SMOC2: variants seen among roughly 807,000 people sequenced by gnomAD.
The protein encoded by SMOC2 is SPARC-related modular calcium-binding protein 2.
Under a neutral mutation model 61.4 loss-of-function variants are expected in SMOC2, and 39 were observed. The observed-to-expected ratio is 0.64, with a 90% confidence interval of 0.49 to 0.83. The LOEUF (loss-of-function observed/expected upper bound fraction) is 0.83. SMOC2 is among the 40% of genes least tolerant of loss of function. The probability of loss-of-function intolerance (pLI) is 0.00; values close to 1 mark genes in which losing one functional copy is unlikely to be tolerated. For missense variants in SMOC2, 556 were observed against 592.9 expected (o/e 0.94, Z 0.65); for synonymous variants, 247 against 239.9 (o/e 1.03, Z -0.27).
intron 9 of SMOC2, among the ~76,000 whole-genome samples, chr6:168,642,511 T>C (rs1302437305): frequency 6.6e-6 from 1 of 152,054 alleles, no homozygotes; most frequent in Non-Finnish European, 1.5e-5. Context: ...TAACCATCAC[T>C]GGCCAGGACT....
intron 1 of SMOC2, among the ~76,000 whole-genome samples, chr6:168,466,080 G>C (rs1191692633): frequency 2.2e-4 from 26 of 119,960 alleles, no homozygotes; most frequent in South Asian, 6.2e-4. Flanking sequence ...GATGAAGCGA[G>C]GTGCTGCTCT....
At chr6:168,509,053 T>G (rs1328863956) in intron 1 of SMOC2, among the ~76,000 whole-genome samples, 3 of 148,730 alleles carry the variant, frequency 2.0e-5, no homozygotes, top group Non-Finnish European at 2.9e-5. Context: ...TGGACGGGAC[T>G]AGTTGGCCGG....
intron 7 of SMOC2, among the ~76,000 whole-genome samples, chr6:168,555,252 TA>T (rs950143471): frequency 1.3e-5 from 2 of 152,210 alleles, no homozygotes; most frequent in African/African-American, 4.8e-5. Flanking sequence ...GTTGGAGATT[TA>T]AAAAAGCACA....
chr6:168,548,344 T>G (rs1366457894), intron 6 of SMOC2, among the ~76,000 whole-genome samples: 2 of 141,458 alleles, frequency 1.4e-5, no homozygotes, highest in Non-Finnish European at 3.0e-5. Flanking sequence ...TGACCTGCAC[T>G]ACATTCCTTT....
Position 168,666,536 on chromosome 6 carries a change from C to A in SMOC2, c.*98C>A. ...AAAACAGAAACACATAGTATTTGCA[C>A]TTTGTACTTTAAATGTAAATTCACT... On this transcript the variant is annotated 3_prime_UTR_variant, in exon 13 of 13. Transcript: ENST00000356284. 7.8e-7 allele frequency: 1 copy of A among 1,276,360 alleles called. No homozygotes were observed. The highest frequency in any genetic ancestry group is 1.1e-6 in the Non-Finnish European group (1 of 883,434). The allele number at this position is 1,276,360 out of a possible 1,614,324, so 79.1% of individuals were successfully genotyped here. A position where few individuals can be genotyped will look rare whatever the true frequency, so the allele number is the denominator to read the frequency against.
intron 7 of SMOC2, among the ~76,000 whole-genome samples, chr6:168,579,775 G>A (rs1784882982): frequency 6.6e-6 from 1 of 152,152 alleles, no homozygotes. Context: ...CAGGGCTGGG[G>A]ACCCAGGGAT....
At chr6:168,621,161 A>G (rs1254556263) in intron 9 of SMOC2, among the ~76,000 whole-genome samples, 1 of 152,232 alleles carries the variant, frequency 6.6e-6, no homozygotes, top group Non-Finnish European at 1.5e-5. Context: ...TGGACTGCCC[A>G]TTAGTTGTTA....
chr6:168,474,013 C>G (rs1782023222), intron 1 of SMOC2, among the ~76,000 whole-genome samples: 1 of 152,148 alleles, frequency 6.6e-6, no homozygotes, highest in Non-Finnish European at 1.5e-5. Flanking sequence ...CAGGACTTAG[C>G]ATAACAACCC....
chr6:168,555,466 C>G (rs916535194), intron 7 of SMOC2, among the ~76,000 whole-genome samples: 1 of 152,122 alleles, frequency 6.6e-6, no homozygotes, highest in Non-Finnish European at 1.5e-5. Flanking sequence ...CTTACCTTCC[C>G]GTCGCCTACA....
intron 1 of SMOC2, among the ~76,000 whole-genome samples, chr6:168,476,835 C>T (rs1386228154): frequency 6.6e-6 from 1 of 151,784 alleles, no homozygotes; most frequent in Non-Finnish European, 1.5e-5. Context: ...GTTATCAACA[C>T]TTCAAGGGAT....
At chr6:168,599,581 A>ACACACCCACACACACATACCCC (rs1562373030) in intron 8 of SMOC2, among the ~76,000 whole-genome samples, 2 of 31,646 alleles carry the variant, frequency 6.3e-5, no homozygotes, top group South Asian at 2.1e-3. Context: ...CACTCATACC[A>ACACACCCACACACACATACCCC]CACACACCCA....
chr6:168,534,963 T>G (rs1783698255), intron 4 of SMOC2, among the ~76,000 whole-genome samples: 1 of 151,992 alleles, frequency 6.6e-6, no homozygotes, highest in African/African-American at 2.4e-5. Flanking sequence ...GAGATTTTAT[T>G]TTTATTTATT....
chr6:168,655,272 G>A (rs563412147), intron 11 of SMOC2: 25 of 399,274 alleles, frequency 6.3e-5, no homozygotes, highest in Non-Finnish European at 1.2e-4. Flanking sequence ...CCAACTAAAC[G>A]TTAGGCCAGT....
intron 7 of SMOC2, among the ~76,000 whole-genome samples, chr6:168,558,406 A>G (rs537375692): frequency 6.6e-6 from 1 of 152,276 alleles, no homozygotes; most frequent in South Asian, 2.1e-4. Flanking sequence ...CCTGCATGCC[A>G]TCAGTCCCCC....
intron 1 of SMOC2, among the ~76,000 whole-genome samples, chr6:168,462,827 C>T (rs1194984315): frequency 1.3e-5 from 2 of 152,094 alleles, no homozygotes; most frequent in African/African-American, 2.4e-5. Flanking sequence ...TGCCAACTCT[C>T]TGTGTAGAGC....
rs556358597 is a variant in SMOC2, at chr6:168,499,878, C to T, written c.85-10037C>T. 8.5e-5 allele frequency among the ~76,000 whole-genome samples: 13 copies of T among 152,200 alleles called. No individual in the cohort carries two copies. The East Asian group carries it at 1.2e-3, about 14-fold the overall frequency. On this transcript the variant is annotated intron_variant, in intron 1 of 12. Transcript: ENST00000356284. ...ATCACTCTGTTTCCATGTTCTTCTC[C>T]GCACAATTGGACTAATGATAGCATT...
intron 9 of SMOC2, among the ~76,000 whole-genome samples, chr6:168,630,713 C>T (rs1263608385): frequency 6.6e-6 from 1 of 152,196 alleles, no homozygotes; most frequent in East Asian, 1.9e-4. Flanking sequence ...TCACTGAATT[C>T]TTTTTCTCAG....
chr6:168,529,909 T>C (rs1583084217), intron 4 of SMOC2, among the ~76,000 whole-genome samples: 1 of 152,368 alleles, frequency 6.6e-6, no homozygotes, highest in East Asian at 1.9e-4. Context: ...GCTGGACCTC[T>C]GGGCATACCC....
chr6:168,552,984 G>T (rs1235651363), intron 7 of SMOC2, among the ~76,000 whole-genome samples: 2 of 152,080 alleles, frequency 1.3e-5, no homozygotes, highest in African/African-American at 4.8e-5. Flanking sequence ...AATGAATAAA[G>T]ATTTGTACCA....
Sources: gnomAD v4.1 joint callset for allele counts (sites outside exome capture counted in the v4.1 genomes callset) on GRCh38, gnomAD v4.1.1 for gene constraint, MANE v1.5 for transcripts, NCBI Gene and HGNC (gene_info 2026-07-23, HGNC 2026-07-21) for gene names.